The following COL28A1 variants were observed in gnomAD, a reference collection of about 807,000 sequenced individuals.
COL28A1 encodes the protein collagen alpha-1(XXVIII) chain.
COL28A1 carries 161 observed loss-of-function variants against 150.2 expected under a neutral mutation model. The ratio of observed to expected loss-of-function variants is 1.07; its 90% CI spans 0.94 to 1.22. COL28A1 has a LOEUF of 1.22. COL28A1 is among the 50% of genes most tolerant of loss of function. The pLI, the probability that COL28A1 is intolerant of heterozygous loss-of-function variation, is 0.00. For missense variants in COL28A1, 1,617 were observed against 1,388.3 expected, an observed-to-expected ratio of 1.16 and a Z score of -2.62; for synonymous variants, 552 against 469.7, an observed-to-expected ratio of 1.18 and a Z score of -2.26.
In COL28A1 at chr7:7,523,956, A is replaced by G. The variant is rs182175696; in HGVS notation, c.702+273T>C. Among the ~76,000 whole-genome samples the G allele has an allele frequency of 2.4e-4, 37 of 152,318 alleles. 1 individual carries two copies. The highest frequency in any genetic ancestry group is 8.9e-4 in the African/African-American group (37 of 41,568). ...TAGAATAAAGGAAGCACATCAAAGT[A>G]AGCAAAAACTATGTAGTTTGCTCAT... On this transcript the variant is annotated intron_variant, in intron 4 of 34. Transcript: ENST00000399429.
At chr7:7,542,729 T>C in the COL28A1 span, among the ~76,000 whole-genome samples, 1 of 152,188 alleles carries the variant, frequency 6.6e-6, no homozygotes, top group Admixed American at 6.5e-5. Flanking sequence ...GATCACACTT[T>C]CATGCTAGGA....
intron 27 of COL28A1, among the ~76,000 whole-genome samples, chr7:7,398,566 A>G (rs1046236290): frequency 1.3e-5 from 2 of 152,232 alleles, no homozygotes; most frequent in Non-Finnish European, 2.9e-5. Flanking sequence ...AGTTAAATAC[A>G]TGGATAGGTC....
rs1024358147 is a variant in COL28A1, at chr7:7,373,646, CT to C, written c.2360-101del. 4 of 868,280 alleles carry C rather than the reference CT, an allele frequency of 4.6e-6. No homozygotes were observed. Among genetic ancestry groups the C allele is most frequent in the African/African-American group, 1.7e-5 (1 of 59,030 alleles). 53.8% of individuals were successfully genotyped at this position (868,280 alleles called of 1,614,324 possible). A position where few individuals can be genotyped will look rare whatever the true frequency, so the allele number is the denominator to read the frequency against. On this transcript the variant is annotated intron_variant, in intron 31 of 34. Coordinates refer to ENST00000399429, the MANE Select transcript of COL28A1 (RefSeq NM_001037763.3). This position sits in a 1 kb window ranked among gnomAD's most constrained non-coding sequence, Gnocchi z 4.1. ...GTCAATGATGAACCTGAGACCTAAA[CT>C]ATTCTCTTCCTTTTCTGTGATTGTG...
At chr7:7,450,909 T>C (rs959835080) in intron 18 of COL28A1, among the ~76,000 whole-genome samples, 1 of 152,152 alleles carries the variant, frequency 6.6e-6, no homozygotes, top group African/African-American at 2.4e-5. Context: ...ACTATAAATA[T>C]ATTGCAGAAT....
intron 25 of COL28A1, among the ~76,000 whole-genome samples, chr7:7,429,617 C>T (rs1784840201): frequency 6.6e-6 from 1 of 152,096 alleles, no homozygotes. Flanking sequence ...TTCTTTTAGA[C>T]TTTCCTTTAT....
chr7:7,524,350 A>C, intron 3 of COL28A1, 101 bp from the exon 4 acceptor site: 3 of 760,082 alleles, frequency 3.9e-6, no homozygotes, highest in South Asian at 1.7e-5. Context: ...AGTTTCCACA[A>C]AGAATAGCAA....
At chr7:7,406,006 A>G (rs935889047) in intron 27 of COL28A1, among the ~76,000 whole-genome samples, 3 of 152,192 alleles carry the variant, frequency 2.0e-5, no homozygotes, top group African/African-American at 7.2e-5. Flanking sequence ...TCAAACAAGT[A>G]CATTCACTTT....
intron 27 of COL28A1, among the ~76,000 whole-genome samples, chr7:7,399,320 C>T (rs1409366219): frequency 6.6e-6 from 1 of 152,188 alleles, no homozygotes; most frequent in Non-Finnish European, 1.5e-5. Context: ...CCAAGAGTGA[C>T]ATCTTCCATA....
downstream of COL28A1, chr7:7,357,670 A>AG (rs1456161217): frequency 6.6e-6 from 1 of 151,508 alleles, no homozygotes; most frequent in African/African-American, 2.4e-5. Flanking sequence ...GGGAAAAAAA[A>AG]AAAAAAGAAA....
At chr7:7,392,840 CT>C (rs1782624538) in intron 27 of COL28A1, among the ~76,000 whole-genome samples, 1 of 152,246 alleles carries the variant, frequency 6.6e-6, no homozygotes, top group South Asian at 2.1e-4. Flanking sequence ...CATTTATGTT[CT>C]TCTCTAAGCT....
chr7:7,543,178 A>T, the COL28A1 span, among the ~76,000 whole-genome samples: 22 of 152,194 alleles, frequency 1.4e-4, no homozygotes, highest in African/African-American at 5.1e-4. Flanking sequence ...CCAAATTCTT[A>T]TATCTTTAGC....
At chr7:7,421,593 C>G (rs900517334) in intron 25 of COL28A1, among the ~76,000 whole-genome samples, 7 of 152,160 alleles carry the variant, frequency 4.6e-5, no homozygotes, top group Non-Finnish European at 4.4e-5. Flanking sequence ...GCTTCCAACA[C>G]TGCAAAAACC....
intron 8 of COL28A1, among the ~76,000 whole-genome samples, chr7:7,513,231 T>C (rs544316769): frequency 1.3e-5 from 2 of 152,318 alleles, no homozygotes; most frequent in South Asian, 4.1e-4. Flanking sequence ...GCGAGGTATA[T>C]ATACATATCT....
intron 9 of COL28A1, among the ~76,000 whole-genome samples, chr7:7,508,461 T>G (rs376254491): frequency 2.0e-4 from 30 of 152,316 alleles, no homozygotes; most frequent in African/African-American, 7.0e-4. Context: ...CATTTAAGGT[T>G]CACCGGCTGT....
At chr7:7,437,301 A>T in intron 22 of COL28A1, 93 bp downstream of exon 22, 1 of 1,483,548 alleles carries the variant, frequency 6.7e-7, no homozygotes, top group Non-Finnish European at 9.0e-7. Flanking sequence ...AGGCTCTTCC[A>T]AAACTAAAAT....
chr7:7,514,354 C>A (rs573970946), intron 8 of COL28A1, among the ~76,000 whole-genome samples: 83 of 152,322 alleles, frequency 5.4e-4, no homozygotes, highest in African/African-American at 1.9e-3. Context: ...GATTCTCCAA[C>A]CACTCTGTAA....
At chr7:7,399,496 G>A (rs1783042093) in intron 27 of COL28A1, among the ~76,000 whole-genome samples, 1 of 152,162 alleles carries the variant, frequency 6.6e-6, no homozygotes, top group South Asian at 2.1e-4. Context: ...CTGAGCTAGA[G>A]GTAATGGATG....
At chr7:7,353,056 C>A (rs987529498), downstream of COL28A1, among the ~76,000 whole-genome samples, 1 of 152,188 alleles carries the variant, frequency 6.6e-6, no homozygotes, top group African/African-American at 2.4e-5. Flanking sequence ...TCAGCCAGAT[C>A]CCCATGGAAA....
intron 21 of COL28A1, among the ~76,000 whole-genome samples, chr7:7,439,190 G>A (rs1365124975): frequency 1.3e-5 from 2 of 152,122 alleles, no homozygotes; most frequent in East Asian, 1.9e-4. Context: ...GCCCAGGGCC[G>A]TGTTCATCTT....
Sources: allele counts gnomAD v4.1 joint callset (sites outside exome capture counted in the v4.1 genomes callset), GRCh38; gene constraint gnomAD v4.1.1; non-coding constraint Gnocchi (gnomAD v3.1); transcripts MANE v1.5; gene names NCBI Gene and HGNC (gene_info 2026-07-23, HGNC 2026-07-21).